The following USP34 variants were observed in gnomAD, a reference collection of about 807,000 sequenced individuals.
The protein encoded by USP34 is ubiquitin carboxyl-terminal hydrolase 34.
Under a neutral mutation model 460.3 loss-of-function variants are expected in USP34, and 70 were observed. The ratio of observed to expected loss-of-function variants is 0.15; its 90% CI spans 0.13 to 0.19. USP34 has a LOEUF of 0.19. USP34 is among the 10% of genes least tolerant of loss of function. USP34 has a pLI of 1.00. For synonymous variants in USP34, 1,647 were observed against 1,405.3 expected, an observed-to-expected ratio of 1.17 and a Z score of -3.85; for missense variants, 3,985 against 4,236.2, an observed-to-expected ratio of 0.94 and a Z score of 1.65.
At chr2:61,250,365 G>C (rs1010493623) in intron 48 of USP34, 2 of 168,284 alleles carry the variant, frequency 1.2e-5, no homozygotes, top group South Asian at 2.9e-4. Context: ...CTCTCATAAG[G>C]GCTTGCTGTA....
chr2:61,191,383 A>G (rs1686637163), intron 76 of USP34: 1 of 150,906 alleles, frequency 6.6e-6, no homozygotes, highest in Admixed American at 6.6e-5. Flanking sequence ...ATAGGACAAA[A>G]TTTAGATTAT....
At chr2:61,190,746 T>A in intron 76 of USP34, 88 bp from the exon 77 acceptor site, 1 of 1,436,912 alleles carries the variant, frequency 7.0e-7, no homozygotes, top group Middle Eastern at 2.6e-4. Flanking sequence ...AAACATACAC[T>A]TGTGTATGAT....
chr2:61,239,676 G>T (rs1688187906), intron 53 of USP34, among the ~76,000 whole-genome samples: 1 of 152,056 alleles, frequency 6.6e-6, no homozygotes, highest in Non-Finnish European at 1.5e-5. Context: ...ATTGAAAAAA[G>T]ACAACATTCC....
chr2:61,354,106 C>CTAAA lies in USP34; in HGVS notation c.1252-3417_1252-3414dup, dbSNP rs145934062. ...AAAGACAGAATACTTAAATAACTAA[C>CTAAA]TAAATAAATAACCAATTTCATGAAA... On this transcript the variant is annotated intron_variant, in intron 10 of 79. Coordinates refer to ENST00000398571, the MANE Select transcript of USP34 (RefSeq NM_014709.4). Among the ~76,000 whole-genome samples the CTAAA allele has an allele frequency of 2.4e-3, 358 of 152,232 alleles. 1 individual carries two copies. Among genetic ancestry groups the CTAAA allele is most frequent in the Non-Finnish European group, 4.3e-3 (293 of 68,018 alleles).
intron 1 of USP34, among the ~76,000 whole-genome samples, chr2:61,431,973 A>T (rs1014148936): frequency 2.1e-4 from 32 of 152,346 alleles, no homozygotes; most frequent in African/African-American, 7.5e-4. Context: ...ATTACACATC[A>T]TATAAAGGTA....
At chr2:61,356,970 A>C (rs4411680) in intron 10 of USP34, among the ~76,000 whole-genome samples, 84,670 of 151,976 alleles carry the variant, frequency 0.56, 23,846 homozygotes, top group South Asian at 0.74. Flanking sequence ...TTATGAAAGA[A>C]TGGAAGAAAT....
chr2:61,442,997 A>T (rs1695008952), intron 1 of USP34, among the ~76,000 whole-genome samples: 2 of 152,254 alleles, frequency 1.3e-5, no homozygotes, highest in East Asian at 1.9e-4. Flanking sequence ...ACATACATGG[A>T]ACTGGAGGAC....
intron 1 of USP34, among the ~76,000 whole-genome samples, chr2:61,446,120 A>G (rs917848707): frequency 4.0e-5 from 6 of 151,438 alleles, no homozygotes; most frequent in East Asian, 1.9e-4. Context: ...TCTCAAAAAA[A>G]AAAAAAAAAA....
In USP34 at chr2:61,211,886, T is replaced by C. The variant is rs1240650918; in HGVS notation, c.8726A>G (p.Gln2909Arg). 2 of 1,609,738 alleles carry C rather than the reference T, an allele frequency of 1.2e-6. No individual in the cohort carries two copies. The highest frequency in any genetic ancestry group is 2.2e-5 in the South Asian group (2 of 90,240). The change falls in exon 69 of 80, where the codon CAG becomes CGG. Residue 2909 changes from glutamine to arginine, a missense_variant. By Grantham distance (43) the Gln-to-Arg change is conservative (BLOSUM62 1). Coordinates refer to ENST00000398571, the MANE Select transcript of USP34 (RefSeq NM_014709.4). Reference sequence around the variant, plus strand: ...TTCTTCTTCTCTCATATCTGGCCTCTGAGCTATAAACAGCTGCATCAGGTT... The same window carrying C: ...TTCTTCTTCTCTCATATCTGGCCTCCGAGCTATAAACAGCTGCATCAGGTT... ...LFNLMQLFIA[Q>R]RPDMREEELE...
intron 10 of USP34, among the ~76,000 whole-genome samples, chr2:61,359,776 G>A (rs916800821): frequency 1.5e-5 from 2 of 130,098 alleles, no homozygotes; most frequent in African/African-American, 5.4e-5. Context: ...AAAGCCCACA[G>A]TTGTTTTTTT....
At chr2:61,210,181 C>T (rs1687235764) in intron 69 of USP34, among the ~76,000 whole-genome samples, 1 of 152,136 alleles carries the variant, frequency 6.6e-6, no homozygotes, top group Non-Finnish European at 1.5e-5. Flanking sequence ...TAGTAGGGTA[C>T]AATAATGTCC....
Position 61,266,094 on chromosome 2 carries a change from T to C in USP34, c.5507A>G (p.Lys1836Arg). 6.2e-7 allele frequency: 1 copy of C among 1,614,050 alleles called. No homozygotes were observed. Among genetic ancestry groups the C allele is most frequent in the Non-Finnish European group, 8.5e-7 (1 of 1,179,920 alleles). ...SLKDRQQPKC[K>R]SHSSRAAAYD... ...AGCGGCAGCTCTTGAAGAATGTGAT[T>C]TGCACTTTGGCTGTTGTCGGTCCTT... Residue 1836 changes from lysine to arginine, a missense_variant, in exon 42 of 80, where the codon AAA becomes AGA. By Grantham distance (26) the Lys-to-Arg change is conservative. Coordinates refer to ENST00000398571, the MANE Select transcript of USP34 (RefSeq NM_014709.4).
intron 75 of USP34, among the ~76,000 whole-genome samples, 187 bp downstream of exon 75, chr2:61,202,953 T>C (rs1040047350): frequency 1.3e-5 from 2 of 152,122 alleles, no homozygotes; most frequent in African/African-American, 4.8e-5. Flanking sequence ...GGCAGAACTA[T>C]TCAATGGAAA....
chr2:61,416,821 T>TGGGGGGGGG (rs55720314), intron 2 of USP34: 6 of 207,126 alleles, frequency 2.9e-5, no homozygotes, highest in African/African-American at 6.8e-5. Context: ...TTTTTTTTTT[T>TGGGGGGGGG]GGGGGGGGGG....
At chr2:61,346,197 C>G (rs1325970717) in intron 15 of USP34, 1 of 151,830 alleles carries the variant, frequency 6.6e-6, no homozygotes, top group East Asian at 1.9e-4. Context: ...ACCAACTAGC[C>G]ATATGTGACC....
intron 23 of USP34, among the ~76,000 whole-genome samples, chr2:61,317,354 CTGT>C (rs1690781162): frequency 6.6e-6 from 1 of 152,108 alleles, no homozygotes; most frequent in Non-Finnish European, 1.5e-5. Context: ...TGGTAAAACC[CTGT>C]CTCTACCAAA....
chr2:61,383,706 C>T (rs1043450559), intron 5 of USP34, among the ~76,000 whole-genome samples: 25 of 152,004 alleles, frequency 1.6e-4, no homozygotes, highest in African/African-American at 5.3e-4. Flanking sequence ...GGCAACGGAG[C>T]GAGACTCCGT....
intron 42 of USP34, 100 bp downstream of exon 42, chr2:61,265,884 A>C: frequency 8.9e-7 from 1 of 1,119,438 alleles, no homozygotes; most frequent in Non-Finnish European, 1.2e-6. Flanking sequence ...TTATAATGTT[A>C]AAGTGTGTGA....
intron 1 of USP34, among the ~76,000 whole-genome samples, chr2:61,463,050 C>T (rs1695652608): frequency 6.6e-6 from 1 of 151,930 alleles, no homozygotes; most frequent in South Asian, 2.1e-4. Flanking sequence ...AAAAAAATTC[C>T]AACTTTAGAT....
Sources: allele counts gnomAD v4.1 joint callset (sites outside exome capture counted in the v4.1 genomes callset), GRCh38; gene constraint gnomAD v4.1.1; transcripts MANE v1.5; gene names NCBI Gene and HGNC (gene_info 2026-07-23, HGNC 2026-07-21).